Variants in PPARGC1A observed in about 807,000 individuals in gnomAD.
PPARGC1A encodes PPARG coactivator 1 alpha.
In PPARGC1A, 25 loss-of-function variants were observed where a neutral mutation model predicts 88.7. The ratio of observed to expected loss-of-function variants is 0.28; its 90% CI spans 0.21 to 0.39. The LOEUF is 0.39. Among genes scored for constraint, PPARGC1A ranks in the 10% least tolerant of loss-of-function variants. PPARGC1A has a pLI of 1.00. For missense variants in PPARGC1A, 880 were observed against 968.7 expected (o/e 0.91, Z 1.22); for synonymous variants, 363 against 355.6 (o/e 1.02, Z -0.24).
At chr4:24,056,934 C>A in the PPARGC1A span, among the ~76,000 whole-genome samples, 1 of 152,142 alleles carries the variant, frequency 6.6e-6, no homozygotes, top group Non-Finnish European at 1.5e-5. Flanking sequence ...TATGATCCAG[C>A]AATTCCAATT....
the PPARGC1A span, among the ~76,000 whole-genome samples, chr4:24,414,708 A>G: frequency 6.6e-6 from 1 of 152,172 alleles, no homozygotes; most frequent in African/African-American, 2.4e-5. Flanking sequence ...TGGTGCTGAG[A>G]AGCACTGTGC....
the PPARGC1A span, among the ~76,000 whole-genome samples, chr4:24,064,880 C>T: frequency 2.0e-5 from 3 of 152,070 alleles, no homozygotes; most frequent in Admixed American, 2.0e-4. Flanking sequence ...ACTTACAATC[C>T]AGGTTAGTGG....
the PPARGC1A span, among the ~76,000 whole-genome samples, chr4:24,244,777 A>C: frequency 2.6e-5 from 4 of 152,216 alleles, no homozygotes; most frequent in African/African-American, 9.6e-5. Context: ...CAGCCCCCAC[A>C]ACAAAGAACT....
At chr4:23,902,604 G>C (rs937324439), upstream of PPARGC1A, among the ~76,000 whole-genome samples, 2 of 152,320 alleles carry the variant, frequency 1.3e-5, no homozygotes, top group African/African-American at 2.4e-5. Context: ...GTGGAGAATA[G>C]AGCTGACCGT....
chr4:23,811,889 C>CTTTT (rs71196134), intron 10 of PPARGC1A, among the ~76,000 whole-genome samples: 4 of 59,040 alleles, frequency 6.8e-5, no homozygotes, highest in African/African-American at 2.0e-4. Flanking sequence ...GAAGAAATGA[C>CTTTT]TTTTTTTTTT....
chr4:24,388,143 G>GAA, the PPARGC1A span, among the ~76,000 whole-genome samples: 26,505 of 148,160 alleles, frequency 0.18, 2,540 homozygotes, highest in African/African-American at 0.21. Context: ...AAATCTACAA[G>GAA]AAAAAAAAAA....
At chr4:24,286,994 A>T in the PPARGC1A span, among the ~76,000 whole-genome samples, 8 of 152,292 alleles carry the variant, frequency 5.3e-5, no homozygotes, top group African/African-American at 1.9e-4. Flanking sequence ...GAACCCCAGG[A>T]TGGAGATCAG....
the PPARGC1A span, among the ~76,000 whole-genome samples, chr4:23,914,769 T>C: frequency 6.6e-6 from 1 of 152,218 alleles, no homozygotes; most frequent in African/African-American, 2.4e-5. Context: ...TCAGTCAATA[T>C]CAAGATGTTT....
chr4:23,851,979 C>T (rs939104691), intron 2 of PPARGC1A, among the ~76,000 whole-genome samples: 19 of 152,128 alleles, frequency 1.2e-4, no homozygotes, highest in Admixed American at 3.9e-4. Flanking sequence ...CTCTAACAAG[C>T]GTCCAGGTAA....
At chr4:24,147,375 A>G in the PPARGC1A span, among the ~76,000 whole-genome samples, 1 of 152,226 alleles carries the variant, frequency 6.6e-6, no homozygotes, top group South Asian at 2.1e-4. Flanking sequence ...TGCCAAGCTT[A>G]GCATCAGCCC....
At chr4:24,294,249 T>C in the PPARGC1A span, among the ~76,000 whole-genome samples, 4 of 152,206 alleles carry the variant, frequency 2.6e-5, no homozygotes, top group Admixed American at 2.6e-4. Flanking sequence ...CTGCCATCAC[T>C]ACAGTGCCTT....
the PPARGC1A span, among the ~76,000 whole-genome samples, chr4:23,925,759 C>T: frequency 5.3e-5 from 8 of 152,028 alleles, no homozygotes; most frequent in South Asian, 2.1e-4. Flanking sequence ...TGTATACTTT[C>T]GTTTTAGTCT....
At chr4:24,336,580 A>G in the PPARGC1A span, among the ~76,000 whole-genome samples, 1 of 152,170 alleles carries the variant, frequency 6.6e-6, no homozygotes, top group Non-Finnish European at 1.5e-5. Flanking sequence ...ATCACTAATG[A>G]TATATCACAC....
the PPARGC1A span, among the ~76,000 whole-genome samples, chr4:24,088,582 A>G: frequency 6.6e-5 from 10 of 152,296 alleles, no homozygotes; most frequent in South Asian, 2.1e-3. Context: ...CTATTGGTAC[A>G]AAATAAATAA....
chr4:24,387,768 GAAAGAAAGAAAGAAAGAAAGAAAGAA>G, the PPARGC1A span, among the ~76,000 whole-genome samples: 3 of 63,442 alleles, frequency 4.7e-5, no homozygotes, highest in Non-Finnish European at 9.5e-5. Context: ...GAGAGAGAGA[GAAAGAAAGAAAGAAAGAAAGAAAGAA>G]AGAAAGAAAG....
chr4:24,315,579 C>G, the PPARGC1A span, among the ~76,000 whole-genome samples: 1 of 152,174 alleles, frequency 6.6e-6, no homozygotes, highest in African/African-American at 2.4e-5. Context: ...GTTTCACAAG[C>G]CAGTGACCCT....
chr4:24,439,009 CGAAAAGGAACTG>C, the PPARGC1A span, among the ~76,000 whole-genome samples: 6 of 151,774 alleles, frequency 4.0e-5, no homozygotes, highest in Admixed American at 2.6e-4. Flanking sequence ...ATAACACAAA[CGAAAAGGAACTG>C]GAAAAGGATG....
the PPARGC1A span, among the ~76,000 whole-genome samples, chr4:24,322,968 C>T: frequency 2.0e-5 from 3 of 152,154 alleles, no homozygotes; most frequent in Non-Finnish European, 2.9e-5. Flanking sequence ...GGTATAATAA[C>T]GGAAAAGCAG....
chr4:23,967,502 C>T, the PPARGC1A span, among the ~76,000 whole-genome samples: 4 of 151,942 alleles, frequency 2.6e-5, no homozygotes, highest in African/African-American at 9.7e-5. Context: ...TCTGCCGACT[C>T]GGGAACCGGG....
Sources: allele counts gnomAD v4.1 joint callset (sites outside exome capture counted in the v4.1 genomes callset), GRCh38; gene constraint gnomAD v4.1.1; transcripts MANE v1.5; gene names NCBI Gene and HGNC (gene_info 2026-07-23, HGNC 2026-07-21).